The following SDK1 variants were observed in gnomAD, a reference collection of about 807,000 sequenced individuals.
The protein encoded by SDK1 is sidekick cell adhesion molecule 1, also known as protein sidekick-1.
A neutral mutation model predicts 245.5 loss-of-function variants in SDK1; 157 were observed. The ratio of observed to expected loss-of-function variants is 0.64; its 90% CI spans 0.56 to 0.73. SDK1 has a LOEUF of 0.73. Ranked by LOEUF, SDK1 falls within the 30% of genes least tolerant of loss-of-function variation. The pLI is 0.00. For missense variants in SDK1, 3,583 were observed against 3,002.3 expected, an observed-to-expected ratio of 1.19 and a Z score of -4.52; for synonymous variants, 1,647 against 1,278.5, an observed-to-expected ratio of 1.29 and a Z score of -6.15.
chr7:3,801,121 A>T (rs940825838), intron 4 of SDK1, among the ~76,000 whole-genome samples: 2 of 152,230 alleles, frequency 1.3e-5, no homozygotes, highest in South Asian at 2.1e-4. Context: ...GAGCAAGGGA[A>T]GACATAGATG....
rs936559309 is a variant in SDK1 at position 3,945,067 on chromosome 7, T to C, written c.848-5856T>C. ...AGGCAGAGTTTGCAGTGAGCTGAGA[T>C]TGTGCCACTGCACTCCAGCCTGGGT... On this transcript the variant is annotated intron_variant, in intron 5 of 44. Coordinates refer to ENST00000404826, the MANE Select transcript of SDK1 (RefSeq NM_152744.4). Among the ~76,000 whole-genome samples, 5 of 152,210 alleles carry C rather than the reference T, an allele frequency of 3.3e-5. No individual in the cohort carries two copies. The South Asian group carries it at 6.2e-4, about 19-fold the overall frequency.
chr7:3,623,333 C>T (rs962887604), intron 2 of SDK1, among the ~76,000 whole-genome samples: 2 of 146,158 alleles, frequency 1.4e-5, no homozygotes, highest in Non-Finnish European at 3.0e-5. Flanking sequence ...CTGCAACCTT[C>T]GTCTCCTGGT....
intron 44 of SDK1, among the ~76,000 whole-genome samples, chr7:4,256,468 T>A (rs564778140): frequency 1.2e-4 from 19 of 152,196 alleles, no homozygotes; most frequent in Non-Finnish European, 2.6e-4. Flanking sequence ...GAAGAAAGCA[T>A]TGCAGGGAAA....
At chr7:4,187,971 T>A (rs1042632451) in intron 35 of SDK1, among the ~76,000 whole-genome samples, 1 of 146,730 alleles carries the variant, frequency 6.8e-6, no homozygotes. Context: ...GAAAGGCACG[T>A]CTTAAATGGT....
At chr7:3,451,774 G>A (rs201922132) in intron 1 of SDK1, among the ~76,000 whole-genome samples, 1 of 152,122 alleles carries the variant, frequency 6.6e-6, no homozygotes, top group East Asian at 1.9e-4. Context: ...CCTTCAAAAC[G>A]TCCACATTTT....
At chr7:4,204,146 G>A (rs1490888835) in intron 35 of SDK1, among the ~76,000 whole-genome samples, 1 of 152,270 alleles carries the variant, frequency 6.6e-6, no homozygotes, top group African/African-American at 2.4e-5. Context: ...GGTAATGGCC[G>A]CGCTCAATTT....
At chr7:4,087,839 A>G (rs1562790975) in intron 22 of SDK1, among the ~76,000 whole-genome samples, 2 of 152,226 alleles carry the variant, frequency 1.3e-5, no homozygotes, top group Non-Finnish European at 2.9e-5. Context: ...CCATCTGGAG[A>G]ATGGGGTCAG....
chr7:3,581,674 C>T (rs1296312926), intron 1 of SDK1, among the ~76,000 whole-genome samples: 5 of 152,160 alleles, frequency 3.3e-5, no homozygotes, highest in African/African-American at 1.2e-4. Context: ...GTAAATCGTT[C>T]TACGACAAAG....
chr7:3,873,710 C>T (rs1192354876), intron 5 of SDK1, among the ~76,000 whole-genome samples: 4 of 152,098 alleles, frequency 2.6e-5, no homozygotes, highest in Non-Finnish European at 5.9e-5. Flanking sequence ...GTAGTCTTTT[C>T]AAGTCTGCTC....
At chr7:4,185,922 A>T (rs997241658) in intron 35 of SDK1, among the ~76,000 whole-genome samples, 53 of 152,102 alleles carry the variant, frequency 3.5e-4, no homozygotes, top group African/African-American at 1.2e-3. Flanking sequence ...CCACCGGCCC[A>T]GAAGCACAAG....
At chr7:3,437,546 A>C (rs1400167582) in intron 1 of SDK1, among the ~76,000 whole-genome samples, 1 of 152,034 alleles carries the variant, frequency 6.6e-6, no homozygotes, top group Non-Finnish European at 1.5e-5. Flanking sequence ...CTGAGGTGGG[A>C]AGATTGCTTG....
At chr7:3,664,191 C>T (rs2341452) in intron 4 of SDK1, among the ~76,000 whole-genome samples, 54,878 of 151,892 alleles carry the variant, frequency 0.36, 10,892 homozygotes, top group African/African-American at 0.52. Context: ...ACATACATAC[C>T]TTGAAGGGAG....
chr7:3,949,590 T>G (rs1177500517), intron 5 of SDK1, among the ~76,000 whole-genome samples: 2 of 152,232 alleles, frequency 1.3e-5, no homozygotes, highest in African/African-American at 4.8e-5. Flanking sequence ...TATTTTTATT[T>G]CCAGCCTCTT....
intron 1 of SDK1, among the ~76,000 whole-genome samples, chr7:3,507,657 G>T (rs1461063455): frequency 6.6e-6 from 1 of 152,252 alleles, no homozygotes; most frequent in African/African-American, 2.4e-5. Flanking sequence ...AACAAAGCCT[G>T]ACACATTCTA....
intron 19 of SDK1, among the ~76,000 whole-genome samples, chr7:4,055,998 T>C (rs1409647845): frequency 1.3e-5 from 2 of 152,246 alleles, no homozygotes; most frequent in Non-Finnish European, 2.9e-5. Flanking sequence ...ACACACTTCA[T>C]ATAATTTTAG....
At chr7:4,059,473 G>T (rs1197238681) in intron 19 of SDK1, among the ~76,000 whole-genome samples, 4 of 152,172 alleles carry the variant, frequency 2.6e-5, no homozygotes. Flanking sequence ...TACAGGGAGA[G>T]ACAGCAATAC....
chr7:3,417,612 C>T (rs1779410822), intron 1 of SDK1, among the ~76,000 whole-genome samples: 1 of 152,160 alleles, frequency 6.6e-6, no homozygotes, highest in South Asian at 2.1e-4. Context: ...CTGTGTTTCC[C>T]TTTTGTAAGA....
intron 5 of SDK1, among the ~76,000 whole-genome samples, chr7:3,831,541 G>A (rs1779912427): frequency 6.6e-6 from 1 of 152,064 alleles, no homozygotes; most frequent in Non-Finnish European, 1.5e-5. Flanking sequence ...TGATTCAAAG[G>A]GAGCACCTAG....
At chr7:3,561,745 G>C (rs1315883327) in intron 1 of SDK1, among the ~76,000 whole-genome samples, 1 of 152,132 alleles carries the variant, frequency 6.6e-6, no homozygotes, top group Non-Finnish European at 1.5e-5. Flanking sequence ...AGGCTACAAA[G>C]AGCTCACGTT....
Sources: gnomAD v4.1 joint callset for allele counts (sites outside exome capture counted in the v4.1 genomes callset) on GRCh38, gnomAD v4.1.1 for gene constraint, MANE v1.5 for transcripts, NCBI Gene and HGNC (gene_info 2026-07-23, HGNC 2026-07-21) for gene names.